The following EVI5 variants were observed in gnomAD, a reference collection of about 807,000 sequenced individuals.
The protein encoded by EVI5 is ecotropic viral integration site 5.
Under a neutral mutation model 112.0 loss-of-function variants are expected in EVI5, and 73 were observed. The observed-to-expected ratio is 0.65, with a 90% CI of 0.54 to 0.79. The LOEUF (loss-of-function observed/expected upper bound fraction) is 0.79. EVI5 is among the 30% of genes least tolerant of loss of function. The pLI, the probability that EVI5 is intolerant of heterozygous loss-of-function variation, is 0.00. For synonymous variants in EVI5, 305 were observed against 319.9 expected, an observed-to-expected ratio of 0.95 and a Z score of 0.50; for missense variants, 900 against 968.8, an observed-to-expected ratio of 0.93 and a Z score of 0.94.
intron 16 of EVI5, among the ~76,000 whole-genome samples, chr1:92,609,953 T>C (rs1472110894): frequency 2.6e-5 from 4 of 151,670 alleles, no homozygotes; most frequent in Non-Finnish European, 4.4e-5. Flanking sequence ...GGCACAATCA[T>C]AGCTTACTTG....
chr1:92,590,779 C>T (rs1673702704), intron 18 of EVI5, among the ~76,000 whole-genome samples: 1 of 152,130 alleles, frequency 6.6e-6, no homozygotes, highest in Non-Finnish European at 1.5e-5. Flanking sequence ...AAAGATACTC[C>T]TCGAGAAGAG....
intron 16 of EVI5, among the ~76,000 whole-genome samples, chr1:92,614,862 A>G (rs1004408048): frequency 2.3e-4 from 1 of 4,344 alleles, no homozygotes; most frequent in East Asian, 0.042. Context: ...ATATATATAT[A>G]TATATATATA....
intron 9 of EVI5, among the ~76,000 whole-genome samples, chr1:92,686,024 G>A (rs879976853): frequency 6.6e-6 from 1 of 152,140 alleles, no homozygotes; most frequent in African/African-American, 2.4e-5. Context: ...CAGAAAAAGA[G>A]GGAATCCACC....
In EVI5 at chr1:92,756,690, T is replaced by C. The variant is rs947404855; in HGVS notation, c.-81-20063A>G. ...AACCTCAGCATGTCAAACAGTCACA[T>C]AGACCTCACCGCTGTATCGCCATCC... On this transcript the variant is annotated intron_variant, in intron 1 of 19. Coordinates refer to ENST00000684568, the MANE Select transcript of EVI5 (RefSeq NM_001350197.2). The C allele has an allele frequency of 2.1e-4, 106 of 498,506 alleles. 1 individual carries two copies. Among genetic ancestry groups the C allele is most frequent in the South Asian group, 7.1e-4 (45 of 63,638 alleles). 30.9% of individuals were successfully genotyped at this position (498,506 alleles called of 1,614,324 possible). A position where few individuals can be genotyped will look rare whatever the true frequency, so the allele number is the denominator to read the frequency against.
chr1:92,708,399 A>G (rs912812168), intron 2 of EVI5, among the ~76,000 whole-genome samples: 3 of 152,212 alleles, frequency 2.0e-5, no homozygotes, highest in East Asian at 1.9e-4. Context: ...ATAGGGAAAA[A>G]GCAAATTGAA....
At chr1:92,782,301 T>A (rs1160253847) in intron 1 of EVI5, among the ~76,000 whole-genome samples, 3 of 147,140 alleles carry the variant, frequency 2.0e-5, no homozygotes, top group Non-Finnish European at 4.5e-5. Context: ...AAATTAAGAA[T>A]CTCCAGGCAT....
At chr1:92,645,288 CTTGTCTATGATACTAA>C (rs1482577540) in intron 13 of EVI5, among the ~76,000 whole-genome samples, 1 of 152,064 alleles carries the variant, frequency 6.6e-6, no homozygotes, top group African/African-American at 2.4e-5. Flanking sequence ...TAAAGTCCAC[CTTGTCTATGATACTAA>C]TGCAGACACT....
chr1:92,548,622 T>G (rs1666221181), intron 19 of EVI5, among the ~76,000 whole-genome samples: 1 of 152,204 alleles, frequency 6.6e-6, no homozygotes, highest in African/African-American at 2.4e-5. Flanking sequence ...AAAATCTCCT[T>G]AAGCTGATAA....
chr1:92,747,755 T>C (rs1679528307), intron 1 of EVI5, among the ~76,000 whole-genome samples: 1 of 148,880 alleles, frequency 6.7e-6, no homozygotes, highest in Non-Finnish European at 1.5e-5. Flanking sequence ...CAGAAATGTA[T>C]TGTCTCACAG....
intron 16 of EVI5, among the ~76,000 whole-genome samples, chr1:92,620,452 A>G (rs1457007805): frequency 6.6e-6 from 1 of 150,784 alleles, no homozygotes; most frequent in Non-Finnish European, 1.5e-5. Flanking sequence ...AAAAAGAGAG[A>G]AAAAAAAACC....
intron 13 of EVI5, among the ~76,000 whole-genome samples, chr1:92,640,163 G>C (rs1046729100): frequency 6.6e-6 from 1 of 152,098 alleles, no homozygotes; most frequent in Non-Finnish European, 1.5e-5. Flanking sequence ...AAAAACCCTA[G>C]AAGAAAACCT....
intron 13 of EVI5, among the ~76,000 whole-genome samples, chr1:92,644,228 C>CATATATATAT (rs1660523249): frequency 6.6e-6 from 1 of 152,140 alleles, no homozygotes; most frequent in Admixed American, 6.5e-5. Context: ...CATGTGCCTT[C>CATATATATAT]CTGATTTAAA....
intron 19 of EVI5, among the ~76,000 whole-genome samples, chr1:92,549,235 C>T (rs150952067): frequency 1.3e-5 from 2 of 152,244 alleles, no homozygotes; most frequent in East Asian, 3.9e-4. Flanking sequence ...TTGACAAAAA[C>T]AAGAAATGGG....
In EVI5 at chr1:92,702,224, T is replaced by TA. The variant is rs751514770; in HGVS notation, c.565-10dup. 9.4e-5 allele frequency: 139 copies of TA among 1,480,718 alleles called. 1 individual carries two copies. In the Middle Eastern group the frequency reaches 1.0e-3, roughly 11 times the overall value. 91.7% of individuals were successfully genotyped at this position (1,480,718 alleles called of 1,614,324 possible). A position where few individuals can be genotyped will look rare whatever the true frequency, so the allele number is the denominator to read the frequency against. ...TCTACTAAAGAGTAAGCCTAAAAAG[T>TA]AAAAAAAAGTTGTTCAAAATACATG... On this transcript the variant is annotated splice_polypyrimidine_tract_variant and intron_variant, in intron 4 of 19. Transcript: ENST00000684568.
intron 5 of EVI5, among the ~76,000 whole-genome samples, chr1:92,700,190 T>C (rs1469837919): frequency 1.3e-5 from 2 of 152,232 alleles, no homozygotes; most frequent in East Asian, 1.9e-4. Context: ...TGCTGCTACA[T>C]AACTTTCTCT....
chr1:92,698,074 C>T, intron 5 of EVI5, 89 bp from the exon 6 acceptor site: 1 of 1,266,282 alleles, frequency 7.9e-7, no homozygotes, highest in Non-Finnish European at 1.1e-6. Flanking sequence ...CACAGCCAAC[C>T]ACAAACATTG....
intron 18 of EVI5, among the ~76,000 whole-genome samples, chr1:92,565,951 A>AAAAAAAAAAAAAAAAAAAAAAAAAG (rs1557801324): frequency 1.3e-4 from 19 of 144,508 alleles, no homozygotes; most frequent in African/African-American, 5.1e-4. Context: ...GCCCGAGCAA[A>AAAAAAAAAAAAAAAAAAAAAAAAAG]AAAAAAAAAA....
At chr1:92,605,481 T>C (rs1259187053) in intron 17 of EVI5, 79 bp from the exon 18 acceptor site, 19 of 934,578 alleles carry the variant, frequency 2.0e-5, no homozygotes, top group Non-Finnish European at 2.8e-5. Flanking sequence ...ATAGGTTGCA[T>C]AAACCATACG....
intron 13 of EVI5, among the ~76,000 whole-genome samples, chr1:92,655,472 T>C (rs147130623): frequency 1.7e-3 from 266 of 152,220 alleles, no homozygotes; most frequent in African/African-American, 6.1e-3. Context: ...ACAAGAAATG[T>C]TCAAGTGAGT....
Sources: gnomAD v4.1 joint callset for allele counts (sites outside exome capture counted in the v4.1 genomes callset) on GRCh38, gnomAD v4.1.1 for gene constraint, MANE v1.5 for transcripts, NCBI Gene and HGNC (gene_info 2026-07-23, HGNC 2026-07-21) for gene names.